The following CNTN5 variants were observed in gnomAD, a reference collection of about 807,000 sequenced individuals.
CNTN5 encodes the protein contactin-5.
A neutral mutation model predicts 129.1 loss-of-function variants in CNTN5; 77 were observed. That is an observed-to-expected ratio of 0.60 (90% CI 0.50 to 0.72). The LOEUF (loss-of-function observed/expected upper bound fraction) is 0.72, where lower values mean the gene tolerates loss of function less well. CNTN5 is among the 30% of genes least tolerant of loss of function. The pLI, the probability that CNTN5 is intolerant of heterozygous loss-of-function variation, is 0.00. For missense variants in CNTN5, 1,478 were observed against 1,328.8 expected (o/e 1.11, Z -1.75); for synonymous variants, 509 against 465.6 (o/e 1.09, Z -1.20).
chr11:99,490,538 G>A, intron 2 of CNTN5, among the ~76,000 whole-genome samples: 1 of 152,168 alleles, frequency 6.6e-6, no homozygotes, highest in Non-Finnish European at 1.5e-5. Context: ...CTCAGAAATT[G>A]TAGCCTGAGA....
chr11:100,208,179 T>C (rs1284860971), intron 15 of CNTN5, among the ~76,000 whole-genome samples: 1 of 152,188 alleles, frequency 6.6e-6, no homozygotes, highest in Non-Finnish European at 1.5e-5. Context: ...GAATTAAATA[T>C]GGTCTCTATC....
chr11:100,116,059 T>C (rs1945831608), intron 13 of CNTN5, among the ~76,000 whole-genome samples: 1 of 152,018 alleles, frequency 6.6e-6, no homozygotes, highest in South Asian at 2.1e-4. Flanking sequence ...TCCATTCTTC[T>C]AGTACTCTAA....
chr11:99,420,709 G>C (rs1942849705), intron 2 of CNTN5, among the ~76,000 whole-genome samples: 1 of 152,172 alleles, frequency 6.6e-6, no homozygotes, highest in Non-Finnish European at 1.5e-5. Context: ...GTCAATCAAA[G>C]GCAGCTGAAA....
At chr11:99,229,215 A>C (rs1317830974) in intron 1 of CNTN5, among the ~76,000 whole-genome samples, 2 of 152,048 alleles carry the variant, frequency 1.3e-5, no homozygotes, top group African/African-American at 2.4e-5. Context: ...TTTAACATTG[A>C]ATTTTTTATC....
At chr11:99,687,497 A>C (rs1283353489) in intron 3 of CNTN5, among the ~76,000 whole-genome samples, 1 of 152,202 alleles carries the variant, frequency 6.6e-6, no homozygotes, top group Non-Finnish European at 1.5e-5. Context: ...CCCAGTTCTT[A>C]TCTTACAGTG....
intron 2 of CNTN5, among the ~76,000 whole-genome samples, chr11:99,406,672 A>G (rs779716878): frequency 1.3e-5 from 2 of 152,182 alleles, no homozygotes; most frequent in Admixed American, 6.5e-5. Flanking sequence ...ACAGGTCCAG[A>G]GGTGCTATCT....
intron 1 of CNTN5, among the ~76,000 whole-genome samples, chr11:99,152,067 A>G (rs1489557994): frequency 6.6e-6 from 1 of 152,198 alleles, no homozygotes; most frequent in African/African-American, 2.4e-5. Context: ...ATATTGGAGA[A>G]ATAATGACAG....
intron 2 of CNTN5, among the ~76,000 whole-genome samples, chr11:99,492,952 G>C (rs1027010028): frequency 1.3e-5 from 2 of 152,200 alleles, no homozygotes; most frequent in Admixed American, 1.3e-4. Flanking sequence ...TCTGGGAACA[G>C]GAAAAGTCCC....
At chr11:99,330,763 T>C (rs1161090329) in intron 2 of CNTN5, among the ~76,000 whole-genome samples, 1 of 152,134 alleles carries the variant, frequency 6.6e-6, no homozygotes, top group African/African-American at 2.4e-5. Context: ...CTTTGAAAAC[T>C]CTCAGTCATT....
intron 9 of CNTN5, among the ~76,000 whole-genome samples, chr11:100,042,262 A>G (rs377222668): frequency 7.4e-4 from 112 of 151,882 alleles, no homozygotes; most frequent in African/African-American, 2.5e-3. Flanking sequence ...CATAAAAGGA[A>G]AAAAAAAGCC....
At chr11:99,179,268 C>A (rs887360124) in intron 1 of CNTN5, among the ~76,000 whole-genome samples, 3 of 151,884 alleles carry the variant, frequency 2.0e-5, no homozygotes, top group African/African-American at 7.3e-5. Flanking sequence ...ATGGTGAAAC[C>A]CCATCTCTAC....
intron 1 of CNTN5, among the ~76,000 whole-genome samples, chr11:99,094,938 T>C (rs1322035343): frequency 6.6e-6 from 1 of 151,938 alleles, no homozygotes; most frequent in Non-Finnish European, 1.5e-5. Flanking sequence ...TTTCATTCCA[T>C]ATAGGCCCCA....
chr11:99,716,646 A>C (rs1020844498), intron 3 of CNTN5, among the ~76,000 whole-genome samples: 1 of 152,040 alleles, frequency 6.6e-6, no homozygotes, highest in Non-Finnish European at 1.5e-5. Context: ...ATTGTAATAA[A>C]TCTCTTACCC....
At chr11:99,156,621 A>C (rs1473053182) in intron 1 of CNTN5, among the ~76,000 whole-genome samples, 1 of 151,960 alleles carries the variant, frequency 6.6e-6, no homozygotes, top group Non-Finnish European at 1.5e-5. Context: ...CAAATACGAA[A>C]ATTAGCATTT....
intron 2 of CNTN5, among the ~76,000 whole-genome samples, chr11:99,462,980 T>A (rs1425189209): frequency 6.6e-6 from 1 of 151,766 alleles, no homozygotes; most frequent in African/African-American, 2.4e-5. Context: ...CGGTGGCACA[T>A]GCCTGTAGTC....
rs184640608 is a variant in CNTN5 at position 100,001,320 on chromosome 11, C to G, written c.878-714C>G. ...TTTTGTGAGAACTCTCTTACTATCA[C>G]GAGAACAGCATGGGGGAATCTACCT... is the stretch of plus-strand genomic sequence containing the variant. On this transcript the variant is annotated intron_variant, in intron 8 of 24. Coordinates refer to ENST00000524871, the MANE Select transcript of CNTN5 (RefSeq NM_014361.4). Among the ~76,000 whole-genome samples the G allele has an allele frequency of 1.1e-4, 16 of 152,240 alleles. No homozygotes were observed. The East Asian group carries it at 1.4e-3, about 13-fold the overall frequency.
chr11:99,684,936 T>A (rs1276068164), intron 3 of CNTN5, among the ~76,000 whole-genome samples: 1 of 151,668 alleles, frequency 6.6e-6, no homozygotes, highest in East Asian at 1.9e-4. Flanking sequence ...TGTAATTGAT[T>A]TCAATAGTAT....
intron 13 of CNTN5, among the ~76,000 whole-genome samples, chr11:100,144,752 A>G (rs1490370439): frequency 6.8e-6 from 1 of 147,164 alleles, no homozygotes; most frequent in Non-Finnish European, 1.5e-5. Context: ...TTTTTTTGAG[A>G]CTGAGTCTGG....
intron 8 of CNTN5, among the ~76,000 whole-genome samples, chr11:99,970,390 A>G (rs533087694): frequency 6.6e-6 from 1 of 152,190 alleles, no homozygotes; most frequent in African/African-American, 2.4e-5. Flanking sequence ...TTTAAACTAC[A>G]ATCTATTTGC....
Sources: gnomAD v4.1 joint callset for allele counts (sites outside exome capture counted in the v4.1 genomes callset) on GRCh38, gnomAD v4.1.1 for gene constraint, MANE v1.5 for transcripts, NCBI Gene and HGNC (gene_info 2026-07-23, HGNC 2026-07-21) for gene names.